Variants in UNC13B observed in about 807,000 individuals in gnomAD.
UNC13B encodes the protein protein unc-13 homolog B.
In UNC13B, 144 loss-of-function variants were observed where a neutral mutation model predicts 211.0. That is an observed-to-expected ratio of 0.68 (90% confidence interval 0.60 to 0.78). The LOEUF is 0.78. UNC13B is among the 30% of genes least tolerant of loss of function. The pLI is 0.00. For missense variants in UNC13B, 1,777 were observed against 2,002.0 expected, an observed-to-expected ratio of 0.89 and a Z score of 2.14; for synonymous variants, 709 against 725.8, an observed-to-expected ratio of 0.98 and a Z score of 0.37.
At chr9:35,368,528 A>G (rs111972375) in intron 12 of UNC13B, among the ~76,000 whole-genome samples, 3,564 of 152,224 alleles carry the variant, frequency 0.023, 131 homozygotes, top group African/African-American at 0.081. Flanking sequence ...ATACTCATCC[A>G]TCTGTCTTTA....
At chr9:35,172,401 T>C (rs1204931940) in intron 1 of UNC13B, among the ~76,000 whole-genome samples, 1 of 152,206 alleles carries the variant, frequency 6.6e-6, no homozygotes. Context: ...AACTATCGAA[T>C]ACTAGATCTT....
intron 33 of UNC13B, 41 bp from the exon 34 acceptor site, chr9:35,399,120 C>G (rs1315372072): frequency 1.2e-6 from 2 of 1,614,002 alleles, no homozygotes; most frequent in Non-Finnish European, 8.5e-7. Context: ...GAGGGGTTCT[C>G]AAACTCTCAC....
At chr9:35,387,097 C>G (rs919089008) in intron 24 of UNC13B, among the ~76,000 whole-genome samples, 3 of 152,082 alleles carry the variant, frequency 2.0e-5, no homozygotes, top group Non-Finnish European at 1.5e-5. Flanking sequence ...GTCTCATAAA[C>G]ATATATATAA....
chr9:35,359,817 A>T (rs946860631), intron 11 of UNC13B, among the ~76,000 whole-genome samples: 7 of 152,072 alleles, frequency 4.6e-5, no homozygotes, highest in African/African-American at 1.7e-4. Flanking sequence ...CAGTGGTCTC[A>T]CTGCTCTCCC....
At chr9:35,192,129 C>G (rs1211150618) in intron 1 of UNC13B, among the ~76,000 whole-genome samples, 7 of 152,212 alleles carry the variant, frequency 4.6e-5, no homozygotes, top group Admixed American at 3.9e-4. Flanking sequence ...CAGCTCAACT[C>G]TAAGCCAAGC....
chr9:35,263,054 G>A (rs534199696), intron 7 of UNC13B, among the ~76,000 whole-genome samples: 9 of 152,062 alleles, frequency 5.9e-5, no homozygotes, highest in East Asian at 1.9e-4. Flanking sequence ...TCATATGGGG[G>A]TATACCTTCT....
chr9:35,299,834 G>C (rs1190667460), intron 8 of UNC13B, among the ~76,000 whole-genome samples: 1 of 151,090 alleles, frequency 6.6e-6, no homozygotes, highest in Non-Finnish European at 1.5e-5. Context: ...TTGCTTTATT[G>C]TTCCTCCAAT....
At chr9:35,359,484 G>A (rs1188187256) in intron 11 of UNC13B, among the ~76,000 whole-genome samples, 2 of 152,194 alleles carry the variant, frequency 1.3e-5, no homozygotes, top group Non-Finnish European at 2.9e-5. Context: ...CCAAATCCAC[G>A]TAACACCTCC....
Position 35,384,291 on chromosome 9 carries a change from A to T in UNC13B, c.10852A>T (p.Arg3618Trp). 1 of 1,614,040 alleles carries T rather than the reference A, an allele frequency of 6.2e-7. No individual in the cohort carries two copies. Among genetic ancestry groups the T allele is most frequent in the African/African-American group, 1.3e-5 (1 of 75,060 alleles). Residue 3618 changes from arginine (R) to tryptophan (W), a missense_variant, in exon 22 of 40, where the codon AGG (arginine) becomes TGG (tryptophan). Physicochemically the swap from Arg to Trp is moderately radical, Grantham distance 101. Transcript: ENST00000635942. ...KLLDQLHNSLRIDLSTYRNNF... is the reference protein window; with the variant it reads ...KLLDQLHNSLWIDLSTYRNNF... Reference sequence around the variant, plus strand: ...GCTGGACCAGCTACACAACTCACTGAGGATCGACCTCTCTACATACAGGGT... The same window carrying T: ...GCTGGACCAGCTACACAACTCACTGTGGATCGACCTCTCTACATACAGGGT...
chr9:35,384,503 A>C (rs540379620), intron 22 of UNC13B, 189 bp downstream of exon 22: 1 of 985,480 alleles, frequency 1.0e-6, no homozygotes, highest in African/African-American at 1.7e-5. Context: ...GTGTATAAAT[A>C]GCAGCAGGTA....
chr9:35,326,275 G>A (rs1362516992), intron 11 of UNC13B, among the ~76,000 whole-genome samples: 1 of 152,120 alleles, frequency 6.6e-6, no homozygotes, highest in Non-Finnish European at 1.5e-5. Context: ...CTTCTTTGGA[G>A]TTTAGTAGTC....
intron 3 of UNC13B, among the ~76,000 whole-genome samples, chr9:35,232,578 ATAGAAGGTATTCAGGAAG>A (rs1214668912): frequency 6.6e-6 from 1 of 152,160 alleles, no homozygotes; most frequent in African/African-American, 2.4e-5. Context: ...AAAAGGATGA[ATAGAAGGTATTCAGGAAG>A]TAGAACCAAA....
intron 11 of UNC13B, among the ~76,000 whole-genome samples, chr9:35,358,006 G>C (rs1833145565): frequency 6.6e-6 from 1 of 152,140 alleles, no homozygotes. Flanking sequence ...CTATGAATTT[G>C]ATTGATCTAA....
chr9:35,400,148 T>C (rs1836196728), intron 36 of UNC13B, 148 bp from the exon 37 acceptor site: 1 of 1,143,224 alleles, frequency 8.7e-7, no homozygotes, highest in African/African-American at 1.6e-5. Context: ...ACCCAAATAA[T>C]ACTCATCCAA....
At position 35,366,029 on chromosome 9, in the gene UNC13B, A is replaced by C. The variant is rs559859710; in HGVS notation, c.9415-918A>C. 2.4e-3 allele frequency among the ~76,000 whole-genome samples: 360 copies of C among 152,246 alleles called. 2 individuals carry two copies. The Middle Eastern group carries it at 0.027, about 12-fold the overall frequency. ...TCTCCAAAACATCACTCACTGTTCA[A>C]AGCTAAGCACCTTAATTCTGCCTCC... On this transcript the variant is annotated intron_variant, in intron 11 of 39. Coordinates refer to ENST00000635942, the MANE Select transcript of UNC13B (RefSeq NM_001371189.2).
chr9:35,370,484 C>T (rs1339783179), intron 13 of UNC13B, 88 bp downstream of exon 13: 2 of 1,251,090 alleles, frequency 1.6e-6, no homozygotes, highest in Non-Finnish European at 2.3e-6. Context: ...TGGAAGTCGT[C>T]CATTTAATGA....
At chr9:35,384,843 G>A in intron 22 of UNC13B, 1 of 758,062 alleles carries the variant, frequency 1.3e-6, no homozygotes, top group Non-Finnish European at 1.6e-6. Context: ...ATAAGGAAAT[G>A]GGCAGTTTCT....
At chr9:35,234,432 C>T (rs563758596) in intron 3 of UNC13B, among the ~76,000 whole-genome samples, 1 of 152,266 alleles carries the variant, frequency 6.6e-6, no homozygotes, top group East Asian at 1.9e-4. Flanking sequence ...AGCAATTTTT[C>T]GATTCCATAT....
At chr9:35,341,864 G>A in intron 11 of UNC13B, 1 of 935,738 alleles carries the variant, frequency 1.1e-6, no homozygotes, top group Non-Finnish European at 1.3e-6. Context: ...AGGAGCAGCA[G>A]CAGGAGCAGG....
Sources: allele counts gnomAD v4.1 joint callset (sites outside exome capture counted in the v4.1 genomes callset), GRCh38; gene constraint gnomAD v4.1.1; transcripts MANE v1.5; gene names NCBI Gene and HGNC (gene_info 2026-07-23, HGNC 2026-07-21).